TECTA: variants seen among roughly 807,000 people sequenced by gnomAD.
TECTA encodes the protein alpha-tectorin.
In TECTA, 128 loss-of-function variants were observed where a neutral mutation model predicts 216.8. The observed-to-expected ratio is 0.59, with a 90% CI of 0.51 to 0.68. TECTA has a LOEUF of 0.68. TECTA is among the 30% of genes least tolerant of loss of function. The probability of loss-of-function intolerance (pLI) is 0.00; values close to 1 mark genes in which losing one functional copy is unlikely to be tolerated. For missense variants in TECTA, 2,551 were observed against 2,786.2 expected (o/e 0.92, Z 1.90); for synonymous variants, 1,089 against 1,117.1 (o/e 0.97, Z 0.50).
chr11:121,187,529 G>A (rs1024452407), intron 20 of TECTA, among the ~76,000 whole-genome samples: 36 of 152,336 alleles, frequency 2.4e-4, no homozygotes, highest in African/African-American at 8.7e-4. Flanking sequence ...ACATTATGAG[G>A]GGGCGGAATG....
chr11:121,113,231 C>T lies in TECTA; in HGVS notation c.624+22C>T, dbSNP rs1946459834. 6.2e-7 allele frequency: 1 copy of T among 1,613,736 alleles called. No individual in the cohort carries two copies. Among genetic ancestry groups the T allele is most frequent in the Non-Finnish European group, 8.5e-7 (1 of 1,180,012 alleles). ...ACAGGTAGGTGGCTCTCCACTTCAT[C>T]CCCCGCGTGTTTCCGTCGCTGCACT... is the stretch of plus-strand genomic sequence containing the variant. On this transcript the variant is annotated intron_variant, in intron 5 of 23. Coordinates refer to ENST00000392793, the MANE Select transcript of TECTA (RefSeq NM_005422.4). The surrounding 1 kb of genome is among the most constrained non-coding windows in gnomAD (Gnocchi z 4.2).
At chr11:121,159,909 C>A (rs1246506253) in intron 14 of TECTA, among the ~76,000 whole-genome samples, 2 of 152,234 alleles carry the variant, frequency 1.3e-5, no homozygotes, top group African/African-American at 4.8e-5. Context: ...GCCAGCAAAT[C>A]TGCTTGCTGC....
Position 121,137,700 on chromosome 11 carries a change from C to T in TECTA, c.3221C>T (p.Thr1074Ile), listed in dbSNP as rs1946744885. 1 of 1,614,122 alleles carries T rather than the reference C, an allele frequency of 6.2e-7. No homozygotes were observed. Reference protein sequence around the residue: ...SGTDNRVHCETIPCKDDEYCM... With the variant: ...SGTDNRVHCEIIPCKDDEYCM... ...ACAGACAACAGGGTCCACTGCGAGACCATTCCCTGCAAGGATGATGAGTAC... is the reference window on the plus strand; with the variant it reads ...ACAGACAACAGGGTCCACTGCGAGATCATTCCCTGCAAGGATGATGAGTAC... Residue 1074 changes from threonine (T) to isoleucine (I), a missense_variant, in exon 11 of 24, where the codon ACC becomes ATC. Coordinates refer to ENST00000392793, the MANE Select transcript of TECTA (RefSeq NM_005422.4).
At chr11:121,169,564 A>G (rs1181528230) in intron 20 of TECTA, among the ~76,000 whole-genome samples, 3 of 152,230 alleles carry the variant, frequency 2.0e-5, no homozygotes, top group African/African-American at 7.2e-5. Flanking sequence ...ATAACAATTC[A>G]TTTTAACAGC....
rs10502247 is a variant in TECTA at position 121,128,233 on chromosome 11, C to T, written c.2256C>T (p.Ile752=). ...CTGAGCGCCCAGAGTACTTGGAAAT[C>T]GACATCAACAAGAAGAAGCCCGATG... ...TCPERPEYLE[I]DINKKKPDAG... Residue 752 remains isoleucine (I), a synonymous_variant, in exon 9 of 24, where the codon ATC becomes ATT. Coordinates refer to ENST00000392793, the MANE Select transcript of TECTA (RefSeq NM_005422.4). The T allele has an allele frequency of 0.29, 460,659 of 1,601,288 alleles. 68,439 individuals are homozygous for T. Among genetic ancestry groups the T allele is most frequent in the East Asian group, 0.41 (18,552 of 44,840 alleles).
intron 20 of TECTA, among the ~76,000 whole-genome samples, chr11:121,179,253 A>AT (rs1286016028): frequency 1.3e-5 from 2 of 151,818 alleles, no homozygotes; most frequent in Non-Finnish European, 2.9e-5. Flanking sequence ...GTTTTTAAAA[A>AT]TTTTTTTTAA....
At chr11:121,116,725 A>T (rs1029010362) in intron 6 of TECTA, among the ~76,000 whole-genome samples, 1 of 152,168 alleles carries the variant, frequency 6.6e-6, no homozygotes, top group Non-Finnish European at 1.5e-5. Context: ...AAACAAAATT[A>T]TCTCAAAGAG....
At chr11:121,146,474 T>C (rs1318788020) in intron 12 of TECTA, among the ~76,000 whole-genome samples, 1 of 152,212 alleles carries the variant, frequency 6.6e-6, no homozygotes, top group Non-Finnish European at 1.5e-5. Flanking sequence ...AAGCACCTCA[T>C]GGGCCCATCC....
intron 23 of TECTA, chr11:121,190,087 C>A: frequency 1.7e-6 from 1 of 578,752 alleles, no homozygotes. Flanking sequence ...AAAAACCTTG[C>A]TCTTTCATCT....
intron 11 of TECTA, among the ~76,000 whole-genome samples, chr11:121,138,352 C>G (rs1946752274): frequency 1.3e-5 from 2 of 152,178 alleles, no homozygotes; most frequent in South Asian, 4.1e-4. Flanking sequence ...GCTGTGTGAC[C>G]TCAGGCAGTC....
chr11:121,169,202 A>G (rs114349527), intron 20 of TECTA, among the ~76,000 whole-genome samples: 84 of 152,352 alleles, frequency 5.5e-4, no homozygotes, highest in African/African-American at 1.9e-3. Flanking sequence ...TTTATTCTCA[A>G]AGTGGGGATT....
chr11:121,174,523 G>A (rs902784988), intron 20 of TECTA, among the ~76,000 whole-genome samples: 1 of 152,184 alleles, frequency 6.6e-6, no homozygotes, highest in Non-Finnish European at 1.5e-5. Flanking sequence ...AACCAGCCTT[G>A]CATCCCAGGG....
At chr11:121,118,236 A>G (rs1946518726) in intron 6 of TECTA, 70 bp from the exon 7 acceptor site, 3 of 1,589,868 alleles carry the variant, frequency 1.9e-6, no homozygotes, top group Non-Finnish European at 2.6e-6. Flanking sequence ...GAAGTAAAGC[A>G]TTTAGCCCAA....
intron 13 of TECTA, among the ~76,000 whole-genome samples, chr11:121,157,352 C>A (rs1252728111): frequency 6.6e-6 from 1 of 151,986 alleles, no homozygotes; most frequent in Admixed American, 6.6e-5. Context: ...TACCCGTAAT[C>A]CAAGCAGTTT....
intron 3 of TECTA, 77 bp from the exon 4 acceptor site, chr11:121,109,134 A>G: frequency 6.6e-7 from 1 of 1,523,942 alleles, no homozygotes; most frequent in Non-Finnish European, 9.1e-7. Context: ...CAGTTAGGCG[A>G]ATGTCTGTCT....
At chr11:121,128,871 A>G (rs531383107) in intron 9 of TECTA, among the ~76,000 whole-genome samples, 2 of 152,334 alleles carry the variant, frequency 1.3e-5, no homozygotes, top group African/African-American at 4.8e-5. Context: ...TTGCTCTGAA[A>G]AACCCATCAT....
At chr11:121,145,283 A>G (rs568389255) in intron 11 of TECTA, among the ~76,000 whole-genome samples, 2 of 152,362 alleles carry the variant, frequency 1.3e-5, no homozygotes, top group African/African-American at 4.8e-5. Flanking sequence ...TACCTTGGAG[A>G]AAACAATTTG....
At chr11:121,145,514 T>C in intron 11 of TECTA, 41 bp from the exon 12 acceptor site, 1 of 1,606,380 alleles carries the variant, frequency 6.2e-7, no homozygotes, top group African/African-American at 1.3e-5. Flanking sequence ...GGGAAATCTC[T>C]GGGCCAACTG....
chr11:121,123,037 G>A (rs1946574547), intron 7 of TECTA, among the ~76,000 whole-genome samples: 1 of 152,192 alleles, frequency 6.6e-6, no homozygotes, highest in Non-Finnish European at 1.5e-5. Context: ...AATTTTGGAA[G>A]GGATGCTCAG....
Sources: gnomAD v4.1 joint callset for allele counts (sites outside exome capture counted in the v4.1 genomes callset) on GRCh38, gnomAD v4.1.1 for gene constraint, Gnocchi (gnomAD v3.1) non-coding constraint, MANE v1.5 for transcripts, NCBI Gene and HGNC (gene_info 2026-07-23, HGNC 2026-07-21) for gene names.